The following HPSE2 variants were observed in gnomAD, a reference collection of about 807,000 sequenced individuals.
The protein encoded by HPSE2 is inactive heparanase-2.
In HPSE2, 38 loss-of-function variants were observed where a neutral mutation model predicts 60.5. The observed-to-expected ratio is 0.63, with a 90% confidence interval of 0.48 to 0.82. The LOEUF is 0.82. Ranked by LOEUF, HPSE2 falls within the 40% of genes least tolerant of loss-of-function variation. HPSE2 has a pLI of 0.00. For synonymous variants in HPSE2, 295 were observed against 293.2 expected, an observed-to-expected ratio of 1.01 and a Z score of -0.06; for missense variants, 713 against 740.4, an observed-to-expected ratio of 0.96 and a Z score of 0.43.
At chr10:99,185,682 G>A (rs1847979143) in intron 2 of HPSE2, among the ~76,000 whole-genome samples, 1 of 151,968 alleles carries the variant, frequency 6.6e-6, no homozygotes, top group Non-Finnish European at 1.5e-5. Context: ...GCTGAGGCAG[G>A]AGAATGGCGT....
chr10:99,293,845 A>G, the HPSE2 span, among the ~76,000 whole-genome samples: 1 of 152,194 alleles, frequency 6.6e-6, no homozygotes, highest in Admixed American at 6.5e-5. Context: ...GGCATGGCCT[A>G]CAGAGAAAGG....
intron 3 of HPSE2, among the ~76,000 whole-genome samples, chr10:98,831,167 G>T (rs892603504): frequency 1.3e-5 from 2 of 152,160 alleles, no homozygotes. Context: ...GGTCTCATCT[G>T]CTATGCCAAT....
intron 3 of HPSE2, among the ~76,000 whole-genome samples, chr10:98,810,772 A>AAT (rs1565180205): frequency 2.5e-4 from 38 of 152,244 alleles, no homozygotes; most frequent in African/African-American, 8.2e-4. Context: ...AAAAAAAATA[A>AAT]AAATAAAAAT....
intron 3 of HPSE2, among the ~76,000 whole-genome samples, chr10:98,792,644 A>G (rs942878110): frequency 2.0e-5 from 3 of 151,268 alleles, no homozygotes; most frequent in African/African-American, 7.3e-5. Flanking sequence ...TTCCTACAAA[A>G]AAAAAAAAAA....
intron 9 of HPSE2, among the ~76,000 whole-genome samples, chr10:98,603,785 C>T (rs1033329920): frequency 1.3e-5 from 2 of 151,976 alleles, no homozygotes; most frequent in Admixed American, 1.3e-4. Context: ...CCTAATAATA[C>T]CCTGTTGGGG....
chr10:98,886,662 G>A (rs1415043963), intron 3 of HPSE2, among the ~76,000 whole-genome samples: 1 of 152,130 alleles, frequency 6.6e-6, no homozygotes, highest in Non-Finnish European at 1.5e-5. Context: ...AGTTCCTACC[G>A]TGTTAAAGGC....
upstream of HPSE2, among the ~76,000 whole-genome samples, chr10:99,238,181 C>T (rs1849902458): frequency 6.6e-6 from 1 of 152,140 alleles, no homozygotes; most frequent in African/African-American, 2.4e-5. Flanking sequence ...CTAAAATACC[C>T]TTGGCTTACA....
At chr10:98,515,199 A>G (rs2133756527) in intron 9 of HPSE2, among the ~76,000 whole-genome samples, 1 of 152,254 alleles carries the variant, frequency 6.6e-6, no homozygotes, top group Non-Finnish European at 1.5e-5. Flanking sequence ...TGATCTTAAG[A>G]CAGGGTAGGA....
chr10:98,545,451 C>G (rs1440790795), intron 9 of HPSE2, among the ~76,000 whole-genome samples: 1 of 152,160 alleles, frequency 6.6e-6, no homozygotes, highest in Non-Finnish European at 1.5e-5. Flanking sequence ...AAAAGCTTAT[C>G]CACCATGATC....
intron 3 of HPSE2, among the ~76,000 whole-genome samples, chr10:98,754,032 T>C (rs1462325360): frequency 6.6e-6 from 1 of 152,026 alleles, no homozygotes; most frequent in African/African-American, 2.4e-5. Flanking sequence ...AGATATAGAA[T>C]TCAGAATCTG....
At chr10:98,841,520 C>A (rs1338018390) in intron 3 of HPSE2, among the ~76,000 whole-genome samples, 1 of 152,146 alleles carries the variant, frequency 6.6e-6, no homozygotes, top group East Asian at 1.9e-4. Flanking sequence ...AAGTAATCTT[C>A]CGGAACTTAA....
At chr10:99,260,674 T>C in the HPSE2 span, among the ~76,000 whole-genome samples, 1 of 152,206 alleles carries the variant, frequency 6.6e-6, no homozygotes, top group Admixed American at 6.5e-5. Context: ...GTTTAATCAC[T>C]GTGGGGATGC....
At chr10:99,282,673 T>C in the HPSE2 span, among the ~76,000 whole-genome samples, 3 of 152,070 alleles carry the variant, frequency 2.0e-5, no homozygotes, top group East Asian at 3.9e-4. Context: ...CCAATCACAA[T>C]AGAAAGAAAC....
rs1353675987 is a variant in HPSE2 at position 99,102,399 on chromosome 10, C to A, written c.610+41839G>T. Among the ~76,000 whole-genome samples, 9 of 152,126 alleles carry A rather than the reference C, an allele frequency of 5.9e-5. No individual in the cohort carries two copies. In the East Asian group the frequency reaches 1.5e-3, roughly 26 times the overall value. ...AAATCTAGAAGAAATGGATAAATTC[C>A]TGGACACATACACCCTCCCAAGACT... On this transcript the variant is annotated intron_variant, in intron 3 of 11. Coordinates refer to ENST00000370552, the MANE Select transcript of HPSE2 (RefSeq NM_021828.5).
intron 10 of HPSE2, among the ~76,000 whole-genome samples, chr10:98,488,717 C>T (rs1387064678): frequency 6.6e-6 from 1 of 152,190 alleles, no homozygotes; most frequent in African/African-American, 2.4e-5. Flanking sequence ...AGGGCAGAGA[C>T]AAGGAATACA....
At position 98,459,458 on chromosome 10, in the gene HPSE2, CAGGATGGG is replaced by C; in HGVS notation, c.*108_*115del. The C allele has an allele frequency of 9.1e-7, 1 of 1,104,936 alleles. No homozygotes were observed. The highest frequency in any genetic ancestry group is 1.4e-6 in the Non-Finnish European group (1 of 719,132). The allele number at this position is 1,104,936 out of a possible 1,614,324, so 68.4% of individuals were successfully genotyped here. Reference sequence around the variant, plus strand: ...GAGAGCAAGTCTGTGTTGATTCCAGCAGGATGGGGCAGCAGGGGCTGGTTGCTAGGATG... The same window carrying C: ...GAGAGCAAGTCTGTGTTGATTCCAGCGCAGCAGGGGCTGGTTGCTAGGATG... On this transcript the variant is annotated 3_prime_UTR_variant, in exon 12 of 12. Coordinates refer to ENST00000370552, the MANE Select transcript of HPSE2 (RefSeq NM_021828.5).
At chr10:99,190,063 C>A (rs1848167077) in intron 2 of HPSE2, among the ~76,000 whole-genome samples, 1 of 152,218 alleles carries the variant, frequency 6.6e-6, no homozygotes, top group African/African-American at 2.4e-5. Context: ...TGAGTCCTTT[C>A]TGTCACAAAT....
At chr10:99,314,645 C>A in the HPSE2 span, among the ~76,000 whole-genome samples, 1 of 152,214 alleles carries the variant, frequency 6.6e-6, no homozygotes, top group Non-Finnish European at 1.5e-5. Flanking sequence ...ATGGCTGTAT[C>A]TCTTAATGAG....
chr10:98,696,334 A>C, intron 5 of HPSE2, among the ~76,000 whole-genome samples: 1 of 147,682 alleles, frequency 6.8e-6, no homozygotes, highest in East Asian at 2.0e-4. Context: ...ATAGCGAGCC[A>C]ATCCTGCACC....
Sources: allele counts gnomAD v4.1 joint callset (sites outside exome capture counted in the v4.1 genomes callset), GRCh38; gene constraint gnomAD v4.1.1; transcripts MANE v1.5; gene names NCBI Gene and HGNC (gene_info 2026-07-23, HGNC 2026-07-21).